Variants in SAMD5 observed in about 807,000 individuals in gnomAD.
SAMD5 encodes the protein sterile alpha motif domain containing 5.
A neutral mutation model predicts 11.3 loss-of-function variants in SAMD5; 13 were observed. The ratio of observed to expected loss-of-function variants is 1.15; its 90% CI spans 0.75 to 1.83. The LOEUF (loss-of-function observed/expected upper bound fraction) is 1.83. Among genes scored for constraint, SAMD5 ranks in the 40% most tolerant of loss-of-function variants. The pLI, the probability that SAMD5 is intolerant of heterozygous loss-of-function variation, is 0.00. For missense variants in SAMD5, 255 were observed against 239.1 expected (o/e 1.07, Z -0.44); for synonymous variants, 129 against 111.3 (o/e 1.16, Z -1.00).
chr6:147,933,423 C>CT, the SAMD5 span, among the ~76,000 whole-genome samples: 2 of 152,300 alleles, frequency 1.3e-5, no homozygotes, highest in African/African-American at 4.8e-5. Context: ...TAGGGTACTG[C>CT]TAATCCCCTC....
intron 1 of SAMD5, among the ~76,000 whole-genome samples, chr6:147,629,489 T>G (rs9390481): frequency 4.2e-4 from 64 of 152,256 alleles, no homozygotes; most frequent in African/African-American, 1.5e-3. Context: ...CCAATACATA[T>G]AAGACATGCA....
At chr6:147,900,909 AT>A in the SAMD5 span, among the ~76,000 whole-genome samples, 1 of 152,136 alleles carries the variant, frequency 6.6e-6, no homozygotes, top group Admixed American at 6.5e-5. Context: ...AAAGATAGGG[AT>A]TTTTTTAGAA....
the SAMD5 span, among the ~76,000 whole-genome samples, chr6:147,795,821 G>T: frequency 6.6e-6 from 1 of 151,612 alleles, no homozygotes; most frequent in African/African-American, 2.4e-5. Context: ...GGCCAGTGAT[G>T]GTGAGCATTT....
chr6:147,744,858 A>C, the SAMD5 span, among the ~76,000 whole-genome samples: 31 of 149,922 alleles, frequency 2.1e-4, no homozygotes, highest in Non-Finnish European at 4.1e-4. Context: ...AGATCACACC[A>C]CTGCACTCCA....
chr6:147,900,503 T>G, the SAMD5 span, among the ~76,000 whole-genome samples: 2 of 152,334 alleles, frequency 1.3e-5, no homozygotes, highest in African/African-American at 4.8e-5. Context: ...TGAACAGGAT[T>G]GCCCCAGCCC....
Position 147,601,608 on chromosome 6 carries a change from G to A in SAMD5, c.162+92221G>A, listed in dbSNP as rs557110198. Among the ~76,000 whole-genome samples the A allele has an allele frequency of 2.6e-5, 4 of 152,278 alleles. No individual in the cohort carries two copies. In the East Asian group the frequency reaches 7.7e-4, roughly 29 times the overall value. On this transcript the variant is annotated intron_variant, in intron 1 of 1. Coordinates refer to the SAMD5 transcript ENST00000566741. ...CACGTCCATGTACACGTCGTTTGAA[G>A]ATAAACATACCGTAGATTATAATGC...
chr6:147,732,711 T>A (rs1472041968), intron 1 of SAMD5, among the ~76,000 whole-genome samples: 1 of 152,208 alleles, frequency 6.6e-6, no homozygotes, highest in Admixed American at 6.5e-5. Flanking sequence ...GTTTTTGGAA[T>A]CTTGTTAGAG....
chr6:147,640,190 G>A (rs953266223), intron 1 of SAMD5, among the ~76,000 whole-genome samples: 1 of 151,924 alleles, frequency 6.6e-6, no homozygotes, highest in African/African-American at 2.4e-5. Context: ...GCTGGGTGTG[G>A]TGGCACGTGC....
At chr6:147,783,324 C>A in the SAMD5 span, among the ~76,000 whole-genome samples, 24 of 149,928 alleles carry the variant, frequency 1.6e-4, no homozygotes, top group African/African-American at 5.9e-4. Flanking sequence ...CCTCAAAATA[C>A]ATCAGACCTG....
chr6:147,555,239 TC>T (rs1338941724), intron 1 of SAMD5, among the ~76,000 whole-genome samples: 1 of 152,220 alleles, frequency 6.6e-6, no homozygotes, highest in African/African-American at 2.4e-5. Context: ...AAATCTTGTC[TC>T]CTTGCAAACC....
the SAMD5 span, among the ~76,000 whole-genome samples, chr6:147,880,499 C>T: frequency 4.6e-5 from 7 of 152,290 alleles, no homozygotes; most frequent in South Asian, 4.1e-4. Flanking sequence ...TAATATACTG[C>T]GCCTTCCCTG....
At chr6:147,880,088 T>C in the SAMD5 span, among the ~76,000 whole-genome samples, 1 of 152,350 alleles carries the variant, frequency 6.6e-6, no homozygotes, top group South Asian at 2.1e-4. Flanking sequence ...GTCATTTTAT[T>C]TAATCTTCAT....
chr6:147,730,239 C>A, intron 1 of SAMD5: 1 of 369,306 alleles, frequency 2.7e-6, no homozygotes, highest in Non-Finnish European at 5.3e-6. Flanking sequence ...AGATTTTGAG[C>A]AAAGATATGA....
In SAMD5 at chr6:147,593,886, G is replaced by T. The variant is rs79830708; in HGVS notation, c.162+84499G>T. 6.6e-3 allele frequency among the ~76,000 whole-genome samples: 1,001 copies of T among 152,270 alleles called. 28 individuals are homozygous for T. Among genetic ancestry groups the T allele is most frequent in the East Asian group, 0.051 (265 of 5,174 alleles). On this transcript the variant is annotated intron_variant, in intron 1 of 1. Transcript: ENST00000566741. ...GCCACACCTGTAATCCCAGCATTTT[G>T]GGAGGCCAAGGTGGGCAGATCACCT...
At chr6:147,760,714 C>A in the SAMD5 span, among the ~76,000 whole-genome samples, 5 of 152,130 alleles carry the variant, frequency 3.3e-5, no homozygotes, top group Non-Finnish European at 7.4e-5. Context: ...TGTAGGCAAC[C>A]GTGTCAGTAT....
the SAMD5 span, among the ~76,000 whole-genome samples, chr6:147,767,371 C>G: frequency 6.6e-6 from 1 of 150,974 alleles, no homozygotes; most frequent in Non-Finnish European, 1.5e-5. Flanking sequence ...AGTGGTACTG[C>G]CTTAAATCAA....
the SAMD5 span, among the ~76,000 whole-genome samples, chr6:147,768,411 T>A: frequency 6.6e-6 from 1 of 152,038 alleles, no homozygotes; most frequent in Admixed American, 6.6e-5. Flanking sequence ...GGTAAGAGAA[T>A]CACTTGAACC....
chr6:147,554,636 G>A (rs187054927), intron 1 of SAMD5, among the ~76,000 whole-genome samples: 2 of 152,294 alleles, frequency 1.3e-5, no homozygotes, highest in East Asian at 3.9e-4. Flanking sequence ...CACCAGACAG[G>A]AGAGAAAAGT....
At chr6:147,932,137 A>G in the SAMD5 span, among the ~76,000 whole-genome samples, 119 of 152,312 alleles carry the variant, frequency 7.8e-4, 1 homozygote, top group Non-Finnish European at 1.2e-3. Flanking sequence ...TATATATAGC[A>G]TATTTGTGGA....
Sources: allele counts gnomAD v4.1 joint callset (sites outside exome capture counted in the v4.1 genomes callset), GRCh38; gene constraint gnomAD v4.1.1; transcripts MANE v1.5; gene names NCBI Gene and HGNC (gene_info 2026-07-23, HGNC 2026-07-21).